Variants in ARRDC4 observed in about 807,000 individuals in gnomAD.
The protein encoded by ARRDC4 is arrestin domain-containing protein 4.
A neutral mutation model predicts 44.6 loss-of-function variants in ARRDC4; 40 were observed. That is an observed-to-expected ratio of 0.90 (90% CI 0.70 to 1.17). The LOEUF is 1.17. Among genes scored for constraint, ARRDC4 ranks in the 50% most tolerant of loss-of-function variants. The pLI is 0.00. For synonymous variants in ARRDC4, 211 were observed against 221.2 expected, an observed-to-expected ratio of 0.95 and a Z score of 0.41; for missense variants, 550 against 559.1, an observed-to-expected ratio of 0.98 and a Z score of 0.16.
In ARRDC4 at chr15:97,966,351, G is replaced by C. The variant is rs949259236; in HGVS notation, c.522+309G>C. Among the ~76,000 whole-genome samples the C allele has an allele frequency of 2.0e-5, 3 of 152,166 alleles. No homozygotes were observed. Among genetic ancestry groups the C allele is most frequent in the African/African-American group, 4.8e-5 (2 of 41,436 alleles). The stretch of plus-strand genomic sequence containing the variant: ...GCTTAATAACAATAATGCACACACA[G>C]AGAGTAGTTACTTTTACCAGAGTGG... On this transcript the variant is annotated intron_variant, in intron 3 of 7. Transcript: ENST00000268042. This position sits in a 1 kb window ranked among gnomAD's most constrained non-coding sequence, Gnocchi z 4.7.
At position 97,969,139 on chromosome 15, in the gene ARRDC4, C is replaced by A; in HGVS notation, c.642C>A (p.Ile214=). The A allele has an allele frequency of 6.2e-7, 1 of 1,613,556 alleles. No homozygotes were observed. The highest frequency in any genetic ancestry group is 8.5e-7 in the Non-Finnish European group (1 of 1,179,546). The change falls in exon 5 of 8, where the codon ATC becomes ATA. Residue 214 remains isoleucine (I), a synonymous_variant. Coordinates refer to ENST00000268042, the MANE Select transcript of ARRDC4 (RefSeq NM_183376.3). The part of the protein sequence containing the change: ...KGYCNGEAIP[I]YAEIENCSSR... Reference sequence around the variant, plus strand: ...TCTTTTTAGGAGAAGCTATTCCAATCTATGCAGAAATAGAAAATTGTTCCT... The same window carrying A: ...TCTTTTTAGGAGAAGCTATTCCAATATATGCAGAAATAGAAAATTGTTCCT...
chr15:97,969,092 T>C lies in ARRDC4; in HGVS notation c.626-31T>C, dbSNP rs113955107. On this transcript the variant is annotated intron_variant, in intron 4 of 7. Transcript: ENST00000268042. ...TGGTGAGAACTTTTTCAAGAGTCTCTGAATCCTCCCTGGTTTTGTTTTCTT... is the reference window on the plus strand; with the variant it reads ...TGGTGAGAACTTTTTCAAGAGTCTCCGAATCCTCCCTGGTTTTGTTTTCTT... 3.9e-5 allele frequency: 62 copies of C among 1,605,328 alleles called. 1 individual carries two copies. In the African/African-American group the frequency reaches 5.0e-4, roughly 13 times the overall value.
At position 97,965,695 on chromosome 15, in the gene ARRDC4, A is replaced by T. The variant is rs1285552544; in HGVS notation, c.374+29A>T. The T allele has an allele frequency of 3.1e-6, 5 of 1,595,740 alleles. No homozygotes were observed. Among genetic ancestry groups the T allele is most frequent in the Non-Finnish European group, 3.4e-6 (4 of 1,163,470 alleles). Reference sequence around the variant, plus strand: ...AGTGAAACACTACAATTTTGTGGTTATCCTTCTCTGCAGTATGTCCATTCA... The same window carrying T: ...AGTGAAACACTACAATTTTGTGGTTTTCCTTCTCTGCAGTATGTCCATTCA... On this transcript the variant is annotated intron_variant, in intron 2 of 7. Transcript: ENST00000268042. This position sits in a 1 kb window ranked among gnomAD's most constrained non-coding sequence, Gnocchi z 5.1.
At position 97,967,980 on chromosome 15, in the gene ARRDC4, A is replaced by T; in HGVS notation, c.523-34A>T. The T allele has an allele frequency of 3.5e-6, 5 of 1,417,518 alleles. No homozygotes were observed. Among genetic ancestry groups the T allele is most frequent in the Non-Finnish European group, 4.9e-6 (5 of 1,020,240 alleles). 87.8% of individuals were successfully genotyped at this position (1,417,518 alleles called of 1,614,324 possible). ...TTCTATGAGTTCTCTAGAGTGGCTT[A>T]ATTAAGGTTGTTTTATTGTTTGAAA... On this transcript the variant is annotated intron_variant, in intron 3 of 7. Coordinates refer to ENST00000268042, the MANE Select transcript of ARRDC4 (RefSeq NM_183376.3). The surrounding 1 kb of genome is among the most constrained non-coding windows in gnomAD (Gnocchi z 5.0).
chr15:97,960,732 T>C lies in ARRDC4; in HGVS notation c.-130T>C, dbSNP rs907059184. 1.5e-5 allele frequency: 12 copies of C among 806,622 alleles called. No homozygotes were observed. The highest frequency in any genetic ancestry group is 2.0e-5 in the Non-Finnish European group (12 of 598,520). 50.0% of individuals were successfully genotyped at this position (806,622 alleles called of 1,614,324 possible). ...GGCCTCTCGGCGAGCCGGTGCCCCA[T>C]CGGGTACCGCACGGCTGCCGCGGCG... is the stretch of plus-strand genomic sequence containing the variant. On this transcript the variant is annotated 5_prime_UTR_variant, in exon 1 of 8. Coordinates refer to ENST00000268042, the MANE Select transcript of ARRDC4 (RefSeq NM_183376.3).
In ARRDC4 at chr15:97,970,133, T is replaced by G; in HGVS notation, c.1045+88T>G. 1 of 1,329,238 alleles carries G rather than the reference T, an allele frequency of 7.5e-7. No homozygotes were observed. The highest frequency in any genetic ancestry group is 1.5e-5 in the South Asian group (1 of 67,616). The allele number at this position is 1,329,238 out of a possible 1,614,324, so 82.3% of individuals were successfully genotyped here. On this transcript the variant is annotated intron_variant, in intron 6 of 7. Coordinates refer to ENST00000268042, the MANE Select transcript of ARRDC4 (RefSeq NM_183376.3). This position sits in a 1 kb window ranked among gnomAD's most constrained non-coding sequence, Gnocchi z 4.2. ...ATATACACTATTAAGTGCTCAGATG[T>G]TGATGAGTACTGCTACTATAGGTAT... is the stretch of plus-strand genomic sequence containing the variant.
Position 97,969,936 on chromosome 15 carries a change from G to T in ARRDC4, c.936G>T (p.Val312=). 1 of 1,608,824 alleles carries T rather than the reference G, an allele frequency of 6.2e-7. No homozygotes were observed. Among genetic ancestry groups the T allele is most frequent in the Non-Finnish European group, 8.5e-7 (1 of 1,177,990 alleles). The change falls in exon 6 of 8, where the codon GTG becomes GTT. Residue 312 remains valine (V), a synonymous_variant. Coordinates refer to ENST00000268042, the MANE Select transcript of ARRDC4 (RefSeq NM_183376.3). The part of the protein sequence containing the change: ...AKKLMLELPL[V]IGTIPYNGFG... ...AATTGATGCTCGAACTGCCATTAGTGATCGGTACAATTCCATATAATGGTT... is the reference window on the plus strand; with the variant it reads ...AATTGATGCTCGAACTGCCATTAGTTATCGGTACAATTCCATATAATGGTT...
intron 5 of ARRDC4, 127 bp from the exon 6 acceptor site, chr15:97,969,756 T>C: frequency 1.2e-6 from 1 of 809,232 alleles, no homozygotes; most frequent in Non-Finnish European, 1.9e-6. Context: ...TTGAGAATTG[T>C]GATGGGGGTG....
chr15:97,962,557 A>C (rs1239045724), intron 1 of ARRDC4, among the ~76,000 whole-genome samples: 1 of 152,182 alleles, frequency 6.6e-6, no homozygotes, highest in Non-Finnish European at 1.5e-5. Flanking sequence ...ATTAGCAATA[A>C]AAAACTGCTT....
rs61741967 is a variant in ARRDC4 at position 97,969,939 on chromosome 15, C to T, written c.939C>T (p.Ile313=). ...KKLMLELPLV[I]GTIPYNGFGS... ...TGATGCTCGAACTGCCATTAGTGAT[C>T]GGTACAATTCCATATAATGGTTTTG... is the stretch of plus-strand genomic sequence containing the variant. The change falls in exon 6 of 8, where the codon ATC becomes ATT. Residue 313 remains isoleucine, a synonymous_variant. Coordinates refer to ENST00000268042, the MANE Select transcript of ARRDC4 (RefSeq NM_183376.3). The T allele has an allele frequency of 0.013, 20,389 of 1,607,402 alleles. 778 individuals are homozygous for T. The African/African-American group carries it at 0.13, about 11-fold the overall frequency.
chr15:97,965,755 G>A lies in ARRDC4; in HGVS notation c.374+89G>A, dbSNP rs546691097. ...CTGCTAGGTCTCTTCTGATTCTCAA[G>A]TATGCATGTTTACACTGAATAGTCC... On this transcript the variant is annotated intron_variant, in intron 2 of 7. Transcript: ENST00000268042. This position sits in a 1 kb window ranked among gnomAD's most constrained non-coding sequence, Gnocchi z 5.1. 1.3e-6 allele frequency: 2 copies of A among 1,489,592 alleles called. No homozygotes were observed. The highest frequency in any genetic ancestry group is 1.9e-6 in the Non-Finnish European group (2 of 1,068,280). The allele number at this position is 1,489,592 out of a possible 1,614,324, so 92.3% of individuals were successfully genotyped here. A position where few individuals can be genotyped will look rare whatever the true frequency, so the allele number is the denominator to read the frequency against.
In ARRDC4 at chr15:97,969,108, T is replaced by G. The variant is rs759313033; in HGVS notation, c.626-15T>G. On this transcript the variant is annotated splice_polypyrimidine_tract_variant and intron_variant, in intron 4 of 7. Coordinates refer to ENST00000268042, the MANE Select transcript of ARRDC4 (RefSeq NM_183376.3). ...AAGAGTCTCTGAATCCTCCCTGGTT[T>G]TGTTTTCTTTTTAGGAGAAGCTATT... 1 of 1,608,480 alleles carries G rather than the reference T, an allele frequency of 6.2e-7. No individual in the cohort carries two copies. The highest frequency in any genetic ancestry group is 8.5e-7 in the Non-Finnish European group (1 of 1,175,776).
chr15:97,962,389 C>T (rs1032268429), intron 1 of ARRDC4, among the ~76,000 whole-genome samples: 2 of 152,172 alleles, frequency 1.3e-5, no homozygotes, highest in African/African-American at 4.8e-5. Context: ...ACCCAGGCCC[C>T]AGTGGAAGCA....
chr15:97,965,095 A>T lies in ARRDC4; in HGVS notation c.308-505A>T, dbSNP rs1470189869. ...CACTTTAGTAATTGGTCTATTTGAGAATGGAATATATGTGTGTATGTATGT... is the reference window on the plus strand; with the variant it reads ...CACTTTAGTAATTGGTCTATTTGAGTATGGAATATATGTGTGTATGTATGT... On this transcript the variant is annotated intron_variant, in intron 1 of 7. Transcript: ENST00000268042. This position sits in a 1 kb window ranked among gnomAD's most constrained non-coding sequence, Gnocchi z 5.1. Among the ~76,000 whole-genome samples, 4 of 151,988 alleles carry T rather than the reference A, an allele frequency of 2.6e-5. No homozygotes were observed. The highest frequency in any genetic ancestry group is 2.6e-4 in the Admixed American group (4 of 15,262).
chr15:97,961,381 A>G (rs1899316406), intron 1 of ARRDC4, among the ~76,000 whole-genome samples: 1 of 152,150 alleles, frequency 6.6e-6, no homozygotes, highest in South Asian at 2.1e-4. Flanking sequence ...GCCGGGCCTG[A>G]CCGGGACCAG....
At position 97,968,274 on chromosome 15, in the gene ARRDC4, G is replaced by A. The variant is rs968568990; in HGVS notation, c.625+158G>A. On this transcript the variant is annotated intron_variant, in intron 4 of 7. Transcript: ENST00000268042. The surrounding 1 kb of genome is among the most constrained non-coding windows in gnomAD (Gnocchi z 5.4). The stretch of plus-strand genomic sequence containing the variant: ...TTTTATATAAATAATTGATATTTAA[G>A]TATTTTTAAAAGGAGGAATTGTTTC... Among the ~76,000 whole-genome samples, 1 of 152,052 alleles carries A rather than the reference G, an allele frequency of 6.6e-6. No homozygotes were observed.
intron 1 of ARRDC4, 50 bp downstream of exon 1, chr15:97,961,218 G>A: frequency 1.5e-6 from 2 of 1,342,628 alleles, no homozygotes; most frequent in Non-Finnish European, 1.9e-6. Flanking sequence ...GCGGGGCCGG[G>A]GAGGGGCTGG....
Position 97,967,905 on chromosome 15 carries a change from T to A in ARRDC4, c.523-109T>A. ...TGAGGATAAGAAAGTTTGATTCATT[T>A]TTTTGGTATTTCCTTACAACCATTC... On this transcript the variant is annotated intron_variant, in intron 3 of 7. Coordinates refer to ENST00000268042, the MANE Select transcript of ARRDC4 (RefSeq NM_183376.3). The surrounding 1 kb of genome is among the most constrained non-coding windows in gnomAD (Gnocchi z 5.0). The A allele has an allele frequency of 1.6e-6, 1 of 629,134 alleles. No individual in the cohort carries two copies. The highest frequency in any genetic ancestry group is 3.0e-5 in the East Asian group (1 of 33,254). 39.0% of individuals were successfully genotyped at this position (629,134 alleles called of 1,614,324 possible). A position where few individuals can be genotyped will look rare whatever the true frequency, so the allele number is the denominator to read the frequency against.
chr15:97,960,765 C>A lies in ARRDC4; in HGVS notation c.-97C>A, dbSNP rs557999708. On this transcript the variant is annotated 5_prime_UTR_variant, in exon 1 of 8. Transcript: ENST00000268042. ...CGCACGGCTGCCGCGGCGGCCTTAC[C>A]CTGCCGCGAGCGCCTGTGACAGCGG... 311 of 1,145,986 alleles carry A rather than the reference C, an allele frequency of 2.7e-4. No individual in the cohort carries two copies. Among genetic ancestry groups the A allele is most frequent in the Non-Finnish European group, 3.1e-4 (283 of 904,576 alleles). The allele number at this position is 1,145,986 out of a possible 1,614,324, so 71.0% of individuals were successfully genotyped here. A position where few individuals can be genotyped will look rare whatever the true frequency, so the allele number is the denominator to read the frequency against.
Sources: allele counts gnomAD v4.1 joint callset (sites outside exome capture counted in the v4.1 genomes callset), GRCh38; gene constraint gnomAD v4.1.1; non-coding constraint Gnocchi (gnomAD v3.1); transcripts MANE v1.5; gene names NCBI Gene and HGNC (gene_info 2026-07-23, HGNC 2026-07-21).